The following A1CF variants were observed in gnomAD, a reference collection of about 807,000 sequenced individuals.
A1CF encodes APOBEC1 complementation factor.
In A1CF, 48 loss-of-function variants were observed where a neutral mutation model predicts 68.9. That is an observed-to-expected ratio of 0.70 (90% CI 0.55 to 0.89). The LOEUF is 0.89. A1CF is among the 40% of genes least tolerant of loss of function. The pLI, the probability that A1CF is intolerant of heterozygous loss-of-function variation, is 0.00. For synonymous variants in A1CF, 272 were observed against 260.4 expected, an observed-to-expected ratio of 1.04 and a Z score of -0.43; for missense variants, 653 against 718.9, an observed-to-expected ratio of 0.91 and a Z score of 1.05.
At chr10:50,829,340 A>G (rs2132399283) in intron 6 of A1CF, among the ~76,000 whole-genome samples, 1 of 152,236 alleles carries the variant, frequency 6.6e-6, no homozygotes. Context: ...TTGATTGGAA[A>G]TCTAGTTTGT....
chr10:50,843,229 C>T (rs1011662764), intron 4 of A1CF, among the ~76,000 whole-genome samples: 4 of 152,148 alleles, frequency 2.6e-5, no homozygotes, highest in South Asian at 4.2e-4. Context: ...TCTTGATGCT[C>T]ATTTTCAGAT....
intron 3 of A1CF, among the ~76,000 whole-genome samples, chr10:50,848,983 A>C (rs748453967): frequency 1.3e-5 from 2 of 152,128 alleles, no homozygotes; most frequent in Non-Finnish European, 2.9e-5. Flanking sequence ...ATGAGTCTAT[A>C]CTGTATTTTC....
chr10:50,862,332 CT>C (rs1238396925), intron 2 of A1CF, among the ~76,000 whole-genome samples: 1 of 151,876 alleles, frequency 6.6e-6, no homozygotes, highest in Non-Finnish European at 1.5e-5. Flanking sequence ...TGCCATTGCA[CT>C]GCAGCCTGGG....
At chr10:50,825,748 A>C (rs751847077) in intron 7 of A1CF, among the ~76,000 whole-genome samples, 1 of 152,140 alleles carries the variant, frequency 6.6e-6, no homozygotes, top group Non-Finnish European at 1.5e-5. Flanking sequence ...GCAACTAACT[A>C]TCCCCTTCCA....
At chr10:50,870,969 T>C (rs561192603) in intron 1 of A1CF, among the ~76,000 whole-genome samples, 6 of 151,760 alleles carry the variant, frequency 4.0e-5, no homozygotes, top group Non-Finnish European at 7.4e-5. Flanking sequence ...ATTTCACTGT[T>C]AAAAAGAAAA....
chr10:50,880,265 A>G (rs1475563397), intron 1 of A1CF, among the ~76,000 whole-genome samples: 5 of 152,096 alleles, frequency 3.3e-5, no homozygotes, highest in African/African-American at 1.2e-4. Flanking sequence ...TGCACCACTT[A>G]TTAGTGGTGT....
At chr10:50,826,240 A>G (rs144292178) in intron 7 of A1CF, among the ~76,000 whole-genome samples, 53 of 152,276 alleles carry the variant, frequency 3.5e-4, no homozygotes, top group African/African-American at 1.1e-3. Context: ...TTAAATAATC[A>G]CATAGATAAG....
At chr10:50,877,664 T>C (rs186514489) in intron 1 of A1CF, among the ~76,000 whole-genome samples, 2 of 152,378 alleles carry the variant, frequency 1.3e-5, no homozygotes, top group East Asian at 3.9e-4. Context: ...TACTGATCTT[T>C]TCTTTCATAG....
intron 3 of A1CF, among the ~76,000 whole-genome samples, chr10:50,845,696 G>C (rs1186886729): frequency 6.6e-6 from 1 of 152,216 alleles, no homozygotes; most frequent in East Asian, 1.9e-4. Flanking sequence ...GCTTATGCCT[G>C]TAATCCCAGC....
chr10:50,870,965 C>G (rs1462594757), intron 1 of A1CF, among the ~76,000 whole-genome samples: 1 of 151,514 alleles, frequency 6.6e-6, no homozygotes, highest in Non-Finnish European at 1.5e-5. Flanking sequence ...ATTCATTTCA[C>G]TGTTAAAAAG....
chr10:50,872,946 CTTTTTTTTTTTT>C (rs34770362), intron 1 of A1CF, among the ~76,000 whole-genome samples: 8 of 67,306 alleles, frequency 1.2e-4, no homozygotes, highest in South Asian at 6.8e-4. Flanking sequence ...ATTTAAGTTC[CTTTTTTTTTTTT>C]TTTTTTTTTT....
chr10:50,820,776 CTCA>C (rs1411422034), intron 7 of A1CF, 127 bp from the exon 8 acceptor site: 2 of 637,966 alleles, frequency 3.1e-6, no homozygotes, highest in African/African-American at 3.7e-5. Flanking sequence ...AAGTAAGGAT[CTCA>C]TCAAGAACAT....
intron 6 of A1CF, 145 bp downstream of exon 6, chr10:50,835,929 C>A: frequency 2.7e-6 from 2 of 736,188 alleles, no homozygotes; most frequent in Non-Finnish European, 4.3e-6. Context: ...GGAATGGAAT[C>A]AACTGTGAGA....
In A1CF at chr10:50,836,439, T is replaced by A. The variant is rs1839498215; in HGVS notation, c.366-127A>T. On this transcript the variant is annotated intron_variant, in intron 5 of 12. Transcript: ENST00000373997. Reference sequence around the variant, plus strand: ...TGGGTTCATAGTGTTGAAACCATTTTTGGAGAGTTGTGGCTTCTTTTGCAA... The same window carrying A: ...TGGGTTCATAGTGTTGAAACCATTTATGGAGAGTTGTGGCTTCTTTTGCAA... 1.0e-5 allele frequency: 10 copies of A among 1,003,536 alleles called. No individual in the cohort carries two copies. The South Asian group carries it at 1.6e-4, about 16-fold the overall frequency. 62.2% of individuals were successfully genotyped at this position (1,003,536 alleles called of 1,614,324 possible).
At chr10:50,865,121 T>C (rs756635614) in intron 1 of A1CF, among the ~76,000 whole-genome samples, 2 of 151,974 alleles carry the variant, frequency 1.3e-5, no homozygotes, top group Non-Finnish European at 2.9e-5. Flanking sequence ...ATACAAAAAT[T>C]TAGCCAGGTG....
chr10:50,837,199 G>T (rs1277519853), intron 5 of A1CF, among the ~76,000 whole-genome samples: 1 of 152,162 alleles, frequency 6.6e-6, no homozygotes, highest in Non-Finnish European at 1.5e-5. Context: ...TCCATTTACA[G>T]ATGAACTTGA....
chr10:50,843,098 G>A (rs1839851522), intron 4 of A1CF, among the ~76,000 whole-genome samples: 1 of 152,126 alleles, frequency 6.6e-6, no homozygotes, highest in Admixed American at 6.5e-5. Context: ...ATTTGTGGTT[G>A]GTCACTTCTC....
chr10:50,810,018 C>T lies in A1CF; in HGVS notation c.1485G>A (p.Leu495=), dbSNP rs2132312580. 6.2e-7 allele frequency: 1 copy of T among 1,613,918 alleles called. No homozygotes were observed. Among genetic ancestry groups the T allele is most frequent in the Non-Finnish European group, 8.5e-7 (1 of 1,179,890 alleles). The change falls in exon 12 of 13, where the codon CTG becomes CTA. Residue 495 remains leucine (L), a synonymous_variant. Transcript: ENST00000373997. ...PAIHPFTPPK[L]SAFVDEAKTY... is the part of the protein sequence containing the mutation. ...TCTTTGCTTCATCCACAAAGGCACTCAGCTTTGGAGGTGTGAAAGGGTGGC... is the reference window on the plus strand; with the variant it reads ...TCTTTGCTTCATCCACAAAGGCACTTAGCTTTGGAGGTGTGAAAGGGTGGC...
chr10:50,813,165 C>A (rs1170059426), intron 10 of A1CF, among the ~76,000 whole-genome samples: 2 of 152,224 alleles, frequency 1.3e-5, no homozygotes, highest in Non-Finnish European at 2.9e-5. Flanking sequence ...AGGGAACAGT[C>A]TCAGGGTTAG....
Sources: allele counts gnomAD v4.1 joint callset (sites outside exome capture counted in the v4.1 genomes callset), GRCh38; gene constraint gnomAD v4.1.1; transcripts MANE v1.5; gene names NCBI Gene and HGNC (gene_info 2026-07-23, HGNC 2026-07-21).